Variants in INTS4 observed in about 807,000 individuals in gnomAD.
INTS4 encodes the protein integrator complex subunit 4.
A neutral mutation model predicts 119.5 loss-of-function variants in INTS4; 70 were observed. That is an observed-to-expected ratio of 0.59 (90% CI 0.48 to 0.71). The LOEUF (loss-of-function observed/expected upper bound fraction) is 0.71. Ranked by LOEUF, INTS4 falls within the 30% of genes least tolerant of loss-of-function variation. The pLI is 0.00. For missense variants in INTS4, 867 were observed against 1,173.2 expected (o/e 0.74, Z 3.81); for synonymous variants, 316 against 419.6 (o/e 0.75, Z 3.02).
chr11:77,980,003 A>T (rs199623649), intron 3 of INTS4, among the ~76,000 whole-genome samples: 1 of 86,138 alleles, frequency 1.2e-5, no homozygotes, highest in African/African-American at 5.3e-5. Flanking sequence ...AAGAAGAAAC[A>T]GAAAAAAAAA....
chr11:77,966,820 T>A (rs1855521564), intron 4 of INTS4, among the ~76,000 whole-genome samples: 1 of 152,190 alleles, frequency 6.6e-6, no homozygotes, highest in Admixed American at 6.5e-5. Context: ...TGAAAAATGA[T>A]ATTGGGATTT....
At position 77,918,070 on chromosome 11, in the gene INTS4, C is replaced by T. The variant is rs1376875544; in HGVS notation, c.1922+751G>A. 9 of 624,710 alleles carry T rather than the reference C, an allele frequency of 1.4e-5. 1 individual carries two copies. The highest frequency in any genetic ancestry group is 2.3e-4 in the Middle Eastern group (1 of 4,266). The allele number at this position is 624,710 out of a possible 1,614,324, so 38.7% of individuals were successfully genotyped here. ...TTCCTTTTCCCCACAGGATGGAATA[C>T]AGGGGGCACAGTTAGATCTGAATTG... On this transcript the variant is annotated intron_variant, in intron 15 of 22. Coordinates refer to ENST00000534064, the MANE Select transcript of INTS4 (RefSeq NM_033547.4).
chr11:77,957,857 C>G (rs960393020), intron 7 of INTS4, among the ~76,000 whole-genome samples: 1 of 151,516 alleles, frequency 6.6e-6, no homozygotes, highest in Non-Finnish European at 1.5e-5. Context: ...TTAGTAGAGA[C>G]GAGGTTTCAC....
intron 11 of INTS4, among the ~76,000 whole-genome samples, chr11:77,927,900 A>G (rs1388702945): frequency 6.6e-6 from 1 of 152,114 alleles, no homozygotes; most frequent in Non-Finnish European, 1.5e-5. Context: ...CTGCATCTTT[A>G]GACATTGCTC....
At chr11:77,934,108 C>A (rs1953733440) in intron 10 of INTS4, among the ~76,000 whole-genome samples, 1 of 152,004 alleles carries the variant, frequency 6.6e-6, no homozygotes, top group Non-Finnish European at 1.5e-5. Flanking sequence ...CCCGTGCTCT[C>A]TGAAACATGT....
At chr11:77,933,276 G>A (rs1384088706) in intron 10 of INTS4, among the ~76,000 whole-genome samples, 9 of 151,212 alleles carry the variant, frequency 6.0e-5, no homozygotes, top group African/African-American at 9.8e-5. Context: ...TGCCGAGCCC[G>A]AAGCTGGACT....
intron 5 of INTS4, 151 bp from the exon 6 acceptor site, chr11:77,960,542 C>A: frequency 1.8e-6 from 1 of 545,140 alleles, no homozygotes; most frequent in South Asian, 3.3e-5. Context: ...GAAACCTTGT[C>A]GTCTTTCAAT....
chr11:77,928,301 G>A (rs370243748), intron 11 of INTS4, 41 bp downstream of exon 11: 5 of 1,600,086 alleles, frequency 3.1e-6, no homozygotes, highest in Admixed American at 1.7e-5. Flanking sequence ...ACAGGGGGGG[G>A]TGAGGGATGA....
intron 6 of INTS4, among the ~76,000 whole-genome samples, chr11:77,959,922 T>C (rs1246789521): frequency 6.6e-6 from 1 of 152,156 alleles, no homozygotes. Context: ...ACTACATGCA[T>C]GTGACTTTTT....
intron 8 of INTS4, among the ~76,000 whole-genome samples, chr11:77,951,046 C>T (rs935515175): frequency 6.6e-6 from 1 of 152,078 alleles, no homozygotes; most frequent in Non-Finnish European, 1.5e-5. Flanking sequence ...CTACAAAGGA[C>T]ATGAACTCAT....
At chr11:77,979,861 C>T (rs1428077702) in intron 3 of INTS4, among the ~76,000 whole-genome samples, 2 of 151,248 alleles carry the variant, frequency 1.3e-5, no homozygotes, top group Non-Finnish European at 2.9e-5. Context: ...GCCTGTAATC[C>T]CAGCTACTCA....
intron 8 of INTS4, among the ~76,000 whole-genome samples, chr11:77,942,266 G>A (rs550881250): frequency 2.6e-5 from 4 of 152,256 alleles, no homozygotes; most frequent in African/African-American, 7.2e-5. Context: ...CCATGGGAAC[G>A]GAGAGAACAA....
rs765383837 is a variant in INTS4 at position 77,961,148 on chromosome 11, AAAAAAAAAAAAAG to A, written c.472-23_472-11del. 18 of 1,538,306 alleles carry A rather than the reference AAAAAAAAAAAAAG, an allele frequency of 1.2e-5. No individual in the cohort carries two copies. In the African/African-American group the frequency reaches 2.4e-4, roughly 20 times the overall value. ...ACGTATCTGTCAGATGCTATTAAAA[AAAAAAAAAAAAAG>A]AAAAAAAGAAAAAGAAAAAAAGGAC... On this transcript the variant is annotated splice_polypyrimidine_tract_variant and intron_variant, in intron 4 of 22. Transcript: ENST00000534064.
At chr11:77,894,861 T>C (rs377219209) in intron 18 of INTS4, among the ~76,000 whole-genome samples, 2 of 152,252 alleles carry the variant, frequency 1.3e-5, no homozygotes, top group South Asian at 2.1e-4. Flanking sequence ...AGCCATTGTA[T>C]CGGCATCTGG....
In INTS4 at chr11:77,919,582, G is replaced by A. The variant is rs540522721; in HGVS notation, c.1765-604C>T. The stretch of plus-strand genomic sequence containing the variant: ...ATTACAGGCGTGAGCCACTGCACCC[G>A]GCCACATTTATCTTTAAAACACTAT... On this transcript the variant is annotated intron_variant, in intron 14 of 22. Coordinates refer to ENST00000534064, the MANE Select transcript of INTS4 (RefSeq NM_033547.4). 1.6e-3 allele frequency among the ~76,000 whole-genome samples: 241 copies of A among 152,176 alleles called. 6 individuals carry two copies. In the Middle Eastern group the frequency reaches 0.017, roughly 11 times the overall value.
Position 77,891,717 on chromosome 11 carries a change from T to A in INTS4, c.2412A>T (p.Arg804=). 1.9e-6 allele frequency: 3 copies of A among 1,612,018 alleles called. No individual in the cohort carries two copies. The highest frequency in any genetic ancestry group is 2.5e-6 in the Non-Finnish European group (3 of 1,179,852). The change falls in exon 20 of 23, where the codon CGA becomes CGT. Residue 804 remains arginine (R), a synonymous_variant. Transcript: ENST00000534064. ...EVVKILQTML[R]QSAFLHLPLP... Reference sequence around the variant, plus strand: ...GCGGGAGATGCAGAAAGGCACTCTGTCGCAGCATGGTCTGTAGAATTTTGA... The same window carrying A: ...GCGGGAGATGCAGAAAGGCACTCTGACGCAGCATGGTCTGTAGAATTTTGA...
At chr11:77,893,627 T>C (rs991499600) in intron 19 of INTS4, among the ~76,000 whole-genome samples, 1 of 152,056 alleles carries the variant, frequency 6.6e-6, no homozygotes, top group African/African-American at 2.4e-5. Flanking sequence ...CGGCGGTGGC[T>C]CACGCCTGTA....
At chr11:77,982,324 G>A (rs950419732) in intron 2 of INTS4, among the ~76,000 whole-genome samples, 2 of 151,960 alleles carry the variant, frequency 1.3e-5, no homozygotes, top group Admixed American at 1.3e-4. Context: ...TTTTAGTAGA[G>A]ATGAGCTTTT....
chr11:77,936,809 A>G (rs1465636500), intron 10 of INTS4, among the ~76,000 whole-genome samples: 1 of 152,224 alleles, frequency 6.6e-6, no homozygotes, highest in Non-Finnish European at 1.5e-5. Context: ...AGTGAGCTGT[A>G]AAACAATGTC....
Sources: allele counts gnomAD v4.1 joint callset (sites outside exome capture counted in the v4.1 genomes callset), GRCh38; gene constraint gnomAD v4.1.1; transcripts MANE v1.5; gene names NCBI Gene and HGNC (gene_info 2026-07-23, HGNC 2026-07-21).